Variants in SFTPC observed in about 807,000 individuals in gnomAD.
The protein encoded by SFTPC is BRICHOS domain containing 6.
SFTPC carries 12 observed loss-of-function variants against 19.9 expected under a neutral mutation model. The observed-to-expected ratio is 0.60, with a 90% confidence interval of 0.39 to 0.98. The LOEUF is 0.98. SFTPC is among the 50% of genes least tolerant of loss of function. The pLI is 0.00. For synonymous variants in SFTPC, 123 were observed against 103.3 expected (o/e 1.19, Z -1.16); for missense variants, 219 against 252.2 (o/e 0.87, Z 0.89).
intron 1 of SFTPC, 36 bp from the exon 2 acceptor site, chr8:22,162,538 C>G: frequency 6.2e-7 from 1 of 1,611,872 alleles, no homozygotes; most frequent in South Asian, 1.1e-5. Context: ...GCCTCATGAC[C>G]TCATGCCTGT....
chr8:22,162,794 G>T, intron 2 of SFTPC, 62 bp downstream of exon 2: 2 of 1,597,100 alleles, frequency 1.3e-6, no homozygotes, highest in Non-Finnish European at 1.7e-6. Context: ...GGCTAGGTGG[G>T]ATGGGCGATA....
In SFTPC at chr8:22,162,717, G is replaced by A; in HGVS notation, c.186G>A (p.Gln62=). The A allele has an allele frequency of 3.1e-6, 5 of 1,614,210 alleles. No homozygotes were observed. The highest frequency in any genetic ancestry group is 4.2e-6 in the Non-Finnish European group (5 of 1,180,028). Residue 62 remains glutamine (Q), a synonymous_variant, in exon 2 of 6, where the codon CAG becomes CAA. Transcript: ENST00000679463. ...TGCTCATGGGTCTCCACATGAGCCA[G>A]AAACACACGGAGATGGTGAGAGGTG... is the stretch of plus-strand genomic sequence containing the variant. The part of the protein sequence containing the change: ...GALLMGLHMS[Q]KHTEMVLEMS...
At chr8:22,158,523 T>C (rs1827589765), upstream of SFTPC, 1 of 152,216 alleles carries the variant, frequency 6.6e-6, no homozygotes. Flanking sequence ...CACTCAGGGC[T>C]CTCAGAGGGA....
chr8:22,159,687 C>T (rs1189222122), upstream of SFTPC: 2 of 884,848 alleles, frequency 2.3e-6, no homozygotes, highest in South Asian at 1.4e-5. Context: ...AAAGAGATCC[C>T]TCTCCCAGCA....
chr8:22,163,394 A>T, intron 3 of SFTPC, 42 bp from the exon 4 acceptor site: 1 of 1,568,216 alleles, frequency 6.4e-7, no homozygotes. Flanking sequence ...GGGAGAGAGC[A>T]GGGCAGGGAC....
upstream of SFTPC, among the ~76,000 whole-genome samples, chr8:22,160,452 C>T (rs985585506): frequency 6.6e-6 from 1 of 152,166 alleles, no homozygotes; most frequent in African/African-American, 2.4e-5. Flanking sequence ...CTCTATAAAA[C>T]AAGCAAAAAT....
upstream of SFTPC, chr8:22,161,598 G>A: frequency 1.5e-6 from 2 of 1,360,870 alleles, no homozygotes; most frequent in Non-Finnish European, 2.0e-6. Flanking sequence ...TGCTCTTGCT[G>A]GGGCCAAGAG....
upstream of SFTPC, among the ~76,000 whole-genome samples, chr8:22,158,147 C>T (rs1827569770): frequency 6.6e-6 from 1 of 152,324 alleles, no homozygotes; most frequent in East Asian, 1.9e-4. Flanking sequence ...TTTTTGCACA[C>T]CAGTCCAGGG....
Position 22,162,639 on chromosome 8 carries a change from T to G in SFTPC, c.108T>G (p.Leu36=). 6.2e-7 allele frequency: 1 copy of G among 1,614,184 alleles called. No individual in the cohort carries two copies. ...GCTGCCCAGTGCACCTGAAACGCCT[T>G]CTTATCGTGGTGGTGGTGGTGGTCC... is the stretch of plus-strand genomic sequence containing the variant. The part of the protein sequence containing the change: ...IPCCPVHLKR[L]LIVVVVVVLI... The change falls in exon 2 of 6, where the codon CTT becomes CTG. Residue 36 remains leucine (L), a synonymous_variant. Transcript: ENST00000679463.
upstream of SFTPC, among the ~76,000 whole-genome samples, chr8:22,158,418 C>A (rs957697191): frequency 3.3e-5 from 5 of 152,266 alleles, no homozygotes; most frequent in South Asian, 1.0e-3. Context: ...ACACAAAGAG[C>A]AAAGTGAATC....
chr8:22,163,946 C>A lies in SFTPC; in HGVS notation c.481C>A (p.Arg161=), dbSNP rs1209953579. The change falls in exon 5 of 6, where the codon CGA becomes AGA. Residue 161 remains arginine, a synonymous_variant. Coordinates refer to ENST00000679463, the MANE Select transcript of SFTPC (RefSeq NM_001317778.2). ...PTSKLGQAEG[R]DAGSAPSGGD... ...GTCTAAGCTGGGCCAGGCAGAGGGG[C>A]GAGATGCAGGCTCAGCACCCTCCGG... The A allele has an allele frequency of 3.7e-6, 6 of 1,613,558 alleles. No individual in the cohort carries two copies. The highest frequency in any genetic ancestry group is 5.1e-6 in the Non-Finnish European group (6 of 1,180,036).
upstream of SFTPC, among the ~76,000 whole-genome samples, chr8:22,160,381 G>A (rs1021473093): frequency 1.3e-5 from 2 of 152,198 alleles, no homozygotes; most frequent in African/African-American, 4.8e-5. Flanking sequence ...CACTTTAGGA[G>A]GCCGAGATCA....
upstream of SFTPC, chr8:22,159,974 C>A (rs1248028451): frequency 3.7e-6 from 2 of 536,878 alleles, no homozygotes; most frequent in Non-Finnish European, 6.0e-6. Flanking sequence ...CACCTGCACA[C>A]AGCTGAGGCC....
At chr8:22,157,615 T>A (rs1827547541), upstream of SFTPC, 1 of 152,262 alleles carries the variant, frequency 6.6e-6, no homozygotes, top group African/African-American at 2.4e-5. Flanking sequence ...CATGCACGGC[T>A]CTTCCAAGTG....
chr8:22,159,521 G>A (rs1827631388), upstream of SFTPC: 2 of 360,774 alleles, frequency 5.5e-6, no homozygotes, highest in East Asian at 1.5e-4. Flanking sequence ...CAGGAGGCAG[G>A]CACCCTCCCT....
Position 22,164,269 on chromosome 8 carries a change from CAGTGGAAGCCCCAACGGG to C in SFTPC, c.*24_*41del. 1 of 1,536,180 alleles carries C rather than the reference CAGTGGAAGCCCCAACGGG, an allele frequency of 6.5e-7. No individual in the cohort carries two copies. Among genetic ancestry groups the C allele is most frequent in the Admixed American group, 2.0e-5 (1 of 51,010 alleles). On this transcript the variant is annotated 3_prime_UTR_variant, in exon 6 of 6. Transcript: ENST00000679463. ...TCAACATTCCTTTGCTTCACAGGGT[CAGTGGAAGCCCCAACGGG>C]AAAGGAAACGCCCCGGGCAAAGGGT...
upstream of SFTPC, chr8:22,158,503 G>A (rs1426698479): frequency 6.6e-6 from 1 of 152,334 alleles, no homozygotes; most frequent in East Asian, 1.9e-4. Flanking sequence ...GCCACCGTGG[G>A]GCTGTCCATC....
upstream of SFTPC, among the ~76,000 whole-genome samples, chr8:22,158,264 C>T (rs1201579648): frequency 3.3e-5 from 5 of 152,232 alleles, no homozygotes; most frequent in African/African-American, 1.2e-4. Context: ...CAGGGATGCC[C>T]CTGCCCTTTG....
In SFTPC at chr8:22,164,389, T is replaced by G; in HGVS notation, c.*142T>G. On this transcript the variant is annotated 3_prime_UTR_variant, in exon 6 of 6. Transcript: ENST00000679463. ...GGACAAGCCCTGGAGAAATGGGAGC[T>G]TGGGGAGAGGATGGGAGTGGGCAGA... 6.5e-7 allele frequency: 1 copy of G among 1,533,814 alleles called. No individual in the cohort carries two copies.
Sources: gnomAD v4.1 joint callset for allele counts (sites outside exome capture counted in the v4.1 genomes callset) on GRCh38, gnomAD v4.1.1 for gene constraint, MANE v1.5 for transcripts, NCBI Gene and HGNC (gene_info 2026-07-23, HGNC 2026-07-21) for gene names.